Variants in LIMS1 observed in about 807,000 individuals in gnomAD.
LIMS1 encodes LIM and senescent cell antigen-like-containing domain protein 1.
LIMS1 carries 18 observed loss-of-function variants against 44.1 expected under a neutral mutation model. The observed-to-expected ratio is 0.41, with a 90% confidence interval of 0.28 to 0.61. The LOEUF (loss-of-function observed/expected upper bound fraction) is 0.61, where lower values mean the gene tolerates loss of function less well. LIMS1 is among the 20% of genes least tolerant of loss of function. LIMS1 has a pLI of 0.32. For missense variants in LIMS1, 201 were observed against 422.0 expected, an observed-to-expected ratio of 0.48 and a Z score of 4.59; for synonymous variants, 93 against 149.1, an observed-to-expected ratio of 0.62 and a Z score of 2.74.
chr2:108,592,502 C>A (rs1245005602), intron 1 of LIMS1, among the ~76,000 whole-genome samples: 3 of 152,036 alleles, frequency 2.0e-5, no homozygotes, highest in Non-Finnish European at 4.4e-5. Flanking sequence ...CAGAGATTCC[C>A]TTATAGGGCT....
intron 1 of LIMS1, among the ~76,000 whole-genome samples, chr2:108,544,742 A>T (rs1298390362): frequency 6.6e-6 from 1 of 152,018 alleles, no homozygotes; most frequent in African/African-American, 2.4e-5. Context: ...TCATCCACCC[A>T]CTTTGGCCTC....
At chr2:108,654,537 GCCAGGGTTGTGGAAGC>G (rs1690714654) in intron 1 of LIMS1, among the ~76,000 whole-genome samples, 1 of 151,948 alleles carries the variant, frequency 6.6e-6, no homozygotes, top group African/African-American at 2.4e-5. Context: ...GGCAGTCATG[GCCAGGGTTGTGGAAGC>G]CCAGGTCCAG....
At chr2:108,679,168 C>T (rs1040811951) in intron 8 of LIMS1, among the ~76,000 whole-genome samples, 3 of 151,668 alleles carry the variant, frequency 2.0e-5, no homozygotes, top group Non-Finnish European at 4.4e-5. Context: ...TATAATTAAC[C>T]TAGAGATGAT....
chr2:108,629,940 C>T (rs551993832), intron 1 of LIMS1, among the ~76,000 whole-genome samples: 2 of 152,284 alleles, frequency 1.3e-5, no homozygotes, highest in African/African-American at 4.8e-5. Flanking sequence ...TGCCTGTAAT[C>T]CCAGCACTTT....
At chr2:108,607,263 C>T (rs1483844114) in intron 1 of LIMS1, 34 of 1,550,634 alleles carry the variant, frequency 2.2e-5, no homozygotes, top group Non-Finnish European at 2.9e-5. Context: ...ATGGTGAGTG[C>T]TGCTGCACAA....
intron 1 of LIMS1, among the ~76,000 whole-genome samples, chr2:108,568,402 A>G (rs1470244961): frequency 6.6e-6 from 1 of 152,192 alleles, no homozygotes; most frequent in African/African-American, 2.4e-5. Flanking sequence ...ACTGTTATGT[A>G]TACCACATTT....
At chr2:108,535,931 C>T (rs1289853512) in intron 1 of LIMS1, among the ~76,000 whole-genome samples, 1 of 152,092 alleles carries the variant, frequency 6.6e-6, no homozygotes, top group African/African-American at 2.4e-5. Flanking sequence ...TGCACGCCTG[C>T]CATTTGGTCA....
intron 1 of LIMS1, among the ~76,000 whole-genome samples, chr2:108,564,884 C>T (rs1223728456): frequency 1.3e-5 from 2 of 151,594 alleles, no homozygotes; most frequent in Non-Finnish European, 2.9e-5. Context: ...CTATTATAAA[C>T]GTCCAAAATA....
intron 1 of LIMS1, among the ~76,000 whole-genome samples, chr2:108,592,887 C>A (rs1385150022): frequency 6.6e-6 from 1 of 152,040 alleles, no homozygotes. Context: ...CAAATGTTCC[C>A]CTTTTTATTG....
chr2:108,612,061 T>C (rs1427765362), intron 1 of LIMS1, among the ~76,000 whole-genome samples: 1 of 146,762 alleles, frequency 6.8e-6, no homozygotes, highest in Non-Finnish European at 1.5e-5. Context: ...CACATATATA[T>C]ATATATATAC....
At chr2:108,628,656 G>A (rs1383190328) in intron 1 of LIMS1, among the ~76,000 whole-genome samples, 5 of 152,146 alleles carry the variant, frequency 3.3e-5, no homozygotes, top group African/African-American at 1.2e-4. Context: ...AGTAGAGACG[G>A]GGTTTCACCA....
At chr2:108,572,631 G>A (rs981845501) in intron 1 of LIMS1, among the ~76,000 whole-genome samples, 11 of 151,916 alleles carry the variant, frequency 7.2e-5, no homozygotes, top group Admixed American at 3.3e-4. Flanking sequence ...TGTTCCACCC[G>A]CCTCGGCCTC....
intron 1 of LIMS1, among the ~76,000 whole-genome samples, chr2:108,627,379 T>C (rs902559365): frequency 1.3e-5 from 2 of 149,920 alleles, no homozygotes; most frequent in Non-Finnish European, 2.9e-5. Flanking sequence ...TAAAAAGTTA[T>C]TGAATAATGA....
intron 2 of LIMS1, among the ~76,000 whole-genome samples, chr2:108,663,022 A>G (rs1023240771): frequency 5.3e-5 from 8 of 152,274 alleles, no homozygotes; most frequent in African/African-American, 1.7e-4. Flanking sequence ...AGGCAAGTAT[A>G]GAATGAGATC....
intron 1 of LIMS1, among the ~76,000 whole-genome samples, chr2:108,600,835 G>A (rs1686967645): frequency 6.6e-6 from 1 of 152,074 alleles, no homozygotes; most frequent in African/African-American, 2.4e-5. Context: ...TTTTGCTTAA[G>A]ATAGCTTTGG....
At chr2:108,660,358 T>G (rs945239434) in intron 2 of LIMS1, 25 of 464,296 alleles carry the variant, frequency 5.4e-5, no homozygotes, top group African/African-American at 4.0e-4. Flanking sequence ...CCTCGGGTGT[T>G]AGCATATGGT....
At chr2:108,670,166 GT>G (rs11343711) in intron 2 of LIMS1, among the ~76,000 whole-genome samples, 51,457 of 151,892 alleles carry the variant, frequency 0.34, 9,386 homozygotes, top group Middle Eastern at 0.52. Context: ...TTAAGAGAAT[GT>G]TTTTTAATGG....
intron 1 of LIMS1, among the ~76,000 whole-genome samples, chr2:108,605,600 C>T (rs1687228709): frequency 1.3e-5 from 2 of 152,156 alleles, no homozygotes; most frequent in Non-Finnish European, 2.9e-5. Flanking sequence ...GTACCTACTA[C>T]ATGCCCAGCA....
At chr2:108,662,619 T>TTAGACATATCTC (rs1691458547) in intron 2 of LIMS1, 1 of 990,316 alleles carries the variant, frequency 1.0e-6, no homozygotes, top group South Asian at 2.6e-5. Flanking sequence ...TTCTTTTTGG[T>TTAGACATATCTC]TAAATGATAT....
Sources: gnomAD v4.1 joint callset for allele counts (sites outside exome capture counted in the v4.1 genomes callset) on GRCh38, gnomAD v4.1.1 for gene constraint, MANE v1.5 for transcripts, NCBI Gene and HGNC (gene_info 2026-07-23, HGNC 2026-07-21) for gene names.